AS3MT: variants seen among roughly 807,000 people sequenced by gnomAD.
AS3MT encodes S-adenosyl-L-methionine:arsenic(III) methyltransferase.
AS3MT carries 47 observed loss-of-function variants against 45.3 expected under a neutral mutation model. That is an observed-to-expected ratio of 1.04 (90% CI 0.82 to 1.32). The LOEUF (loss-of-function observed/expected upper bound fraction) is 1.32. Among genes scored for constraint, AS3MT ranks in the 40% most tolerant of loss-of-function variants. AS3MT has a pLI of 0.00. For missense variants in AS3MT, 396 were observed against 451.1 expected, an observed-to-expected ratio of 0.88 and a Z score of 1.11; for synonymous variants, 141 against 152.8, an observed-to-expected ratio of 0.92 and a Z score of 0.57.
Position 102,901,747 on chromosome 10 carries a change from G to C in AS3MT, c.*1047G>C, listed in dbSNP as rs1420778839. 3.3e-5 allele frequency: 5 copies of C among 152,168 alleles called. No homozygotes were observed. Among genetic ancestry groups the C allele is most frequent in the Admixed American group, 6.6e-5 (1 of 15,252 alleles). The allele number at this position is 152,168 out of a possible 1,614,324, so 9.4% of individuals were successfully genotyped here. A position where few individuals can be genotyped will look rare whatever the true frequency, so the allele number is the denominator to read the frequency against. On this transcript the variant is annotated 3_prime_UTR_variant, in exon 11 of 11. Coordinates refer to ENST00000369880, the MANE Select transcript of AS3MT (RefSeq NM_020682.4). ...ACCTTTTGGAATTTTCATCATGTTT[G>C]CTTATTAAACAAAGCTCCTACTGCC...
chr10:102,883,707 T>C (rs113548449), intron 9 of AS3MT, among the ~76,000 whole-genome samples: 37,496 of 151,206 alleles, frequency 0.25, 4,769 homozygotes, highest in Middle Eastern at 0.31. Flanking sequence ...GAGCAAGACT[T>C]CATCTCAAAA....
intron 9 of AS3MT, among the ~76,000 whole-genome samples, chr10:102,884,106 G>A (rs1844910490): frequency 6.6e-6 from 1 of 151,126 alleles, no homozygotes; most frequent in African/African-American, 2.4e-5. Context: ...AGCCTTCCAA[G>A]TAGCTGGGAC....
chr10:102,890,071 G>A (rs1413039824), intron 9 of AS3MT, among the ~76,000 whole-genome samples: 1 of 150,422 alleles, frequency 6.6e-6, no homozygotes, highest in African/African-American at 2.4e-5. Context: ...CACGATCTCG[G>A]CTCACTGCAA....
At chr10:102,884,017 C>T (rs1342155906) in intron 9 of AS3MT, among the ~76,000 whole-genome samples, 4 of 135,184 alleles carry the variant, frequency 3.0e-5, no homozygotes, top group Admixed American at 8.2e-5. Flanking sequence ...CTTGCTCTGT[C>T]GCCCAGGCTG....
chr10:102,896,174 A>T (rs369001967), intron 10 of AS3MT, among the ~76,000 whole-genome samples: 101 of 151,978 alleles, frequency 6.6e-4, no homozygotes, highest in African/African-American at 2.1e-3. Flanking sequence ...TGTACTAAAA[A>T]TACAAAAATT....
At chr10:102,871,281 T>G (rs950060614) in intron 3 of AS3MT, among the ~76,000 whole-genome samples, 1 of 149,838 alleles carries the variant, frequency 6.7e-6, no homozygotes, top group Non-Finnish European at 1.5e-5. Flanking sequence ...GGGTGGTGGC[T>G]TATGTCTGTA....
rs1844940787 is a variant in AS3MT at position 102,885,688 on chromosome 10, C to T, written c.886-4856C>T. ...GGGACTACAGGCGCCCGCCACTACGCCCGGCTAATTTTTTGTATTTTTAGT... is the reference window on the plus strand; with the variant it reads ...GGGACTACAGGCGCCCGCCACTACGTCCGGCTAATTTTTTGTATTTTTAGT... On this transcript the variant is annotated intron_variant, in intron 9 of 10. Transcript: ENST00000369880. Among the ~76,000 whole-genome samples the T allele has an allele frequency of 1.9e-5, 2 of 105,278 alleles. 1 individual carries two copies. The highest frequency in any genetic ancestry group is 4.1e-5 in the Non-Finnish European group (2 of 49,120). 69.1% of individuals were successfully genotyped at this position (105,278 alleles called of 152,430 possible).
chr10:102,872,307 A>C, intron 3 of AS3MT, 141 bp from the exon 4 acceptor site: 1 of 861,298 alleles, frequency 1.2e-6, no homozygotes, highest in Non-Finnish European at 1.8e-6. Flanking sequence ...ACTAAACATC[A>C]GAAGTATGAG....
chr10:102,896,590 G>A (rs1158718302), intron 10 of AS3MT, among the ~76,000 whole-genome samples: 1 of 151,790 alleles, frequency 6.6e-6, no homozygotes, highest in African/African-American at 2.4e-5. Flanking sequence ...GGTGGATCAC[G>A]AGGTCAGGAG....
At chr10:102,883,256 G>A (rs532378488) in intron 9 of AS3MT, among the ~76,000 whole-genome samples, 36 of 150,606 alleles carry the variant, frequency 2.4e-4, no homozygotes, top group African/African-American at 7.5e-4. Flanking sequence ...GGGTGCCAAC[G>A]CACCTGGCTA....
At chr10:102,870,242 C>A (rs1385190607) in intron 3 of AS3MT, 31 bp downstream of exon 3, 3 of 1,612,296 alleles carry the variant, frequency 1.9e-6, no homozygotes, top group Admixed American at 1.7e-5. Flanking sequence ...CCCAGGAAGA[C>A]CCCAAACAGC....
intron 6 of AS3MT, 50 bp downstream of exon 6, chr10:102,874,711 T>G: frequency 1.5e-6 from 2 of 1,345,334 alleles, no homozygotes; most frequent in East Asian, 2.4e-5. Flanking sequence ...TAAGAGCTGA[T>G]GGGTTAAGTC....
intron 10 of AS3MT, among the ~76,000 whole-genome samples, chr10:102,899,261 G>T (rs7909591): frequency 0.3 from 45,472 of 151,980 alleles, 7,059 homozygotes; most frequent in East Asian, 0.47. Flanking sequence ...AGAGTGCTGG[G>T]ATTACTCCCA....
At chr10:102,871,546 CAAAAAAAAAAAAAA>C (rs748797211) in intron 3 of AS3MT, among the ~76,000 whole-genome samples, 3 of 23,284 alleles carry the variant, frequency 1.3e-4, no homozygotes, top group South Asian at 3.0e-3. Context: ...GACTCCGTCT[CAAAAAAAAAAAAAA>C]AAAAAAAAAA....
intron 9 of AS3MT, among the ~76,000 whole-genome samples, chr10:102,884,522 T>G (rs1844917567): frequency 6.6e-6 from 1 of 151,634 alleles, no homozygotes. Context: ...TTTCAGTGCC[T>G]GCAGATATGA....
chr10:102,900,837 A>G lies in AS3MT; in HGVS notation c.*137A>G. ...AGTGGCTCATGCCTATAATCCCAGCACTTTGGGAGGCCGAGGCAGGCAGAT... is the reference window on the plus strand; with the variant it reads ...AGTGGCTCATGCCTATAATCCCAGCGCTTTGGGAGGCCGAGGCAGGCAGAT... On this transcript the variant is annotated 3_prime_UTR_variant, in exon 11 of 11. Coordinates refer to ENST00000369880, the MANE Select transcript of AS3MT (RefSeq NM_020682.4). 1 of 633,768 alleles carries G rather than the reference A, an allele frequency of 1.6e-6. No individual in the cohort carries two copies. Among genetic ancestry groups the G allele is most frequent in the East Asian group, 2.9e-5 (1 of 34,024 alleles). 39.3% of individuals were successfully genotyped at this position (633,768 alleles called of 1,614,324 possible). A position where few individuals can be genotyped will look rare whatever the true frequency, so the allele number is the denominator to read the frequency against.
chr10:102,882,144 T>G (rs1431886396), intron 9 of AS3MT, among the ~76,000 whole-genome samples: 1 of 152,074 alleles, frequency 6.6e-6, no homozygotes, highest in Non-Finnish European at 1.5e-5. Context: ...TTTCACCGTG[T>G]TAGCCAGGAT....
chr10:102,882,492 C>T (rs1454288036), intron 9 of AS3MT, among the ~76,000 whole-genome samples: 1 of 151,974 alleles, frequency 6.6e-6, no homozygotes, highest in Non-Finnish European at 1.5e-5. Flanking sequence ...TAAGCATAGC[C>T]CACTATAGTC....
rs1436651930 is a variant in AS3MT, at chr10:102,873,662, C to T, written c.458+429C>T. On this transcript the variant is annotated intron_variant, in intron 5 of 10. Coordinates refer to ENST00000369880, the MANE Select transcript of AS3MT (RefSeq NM_020682.4). ...CTCTCATTTAGGGTGTTAAACTAAACTTAGCATGGCTTACTAATGGGAGAG... is the reference window on the plus strand; with the variant it reads ...CTCTCATTTAGGGTGTTAAACTAAATTTAGCATGGCTTACTAATGGGAGAG... Among the ~76,000 whole-genome samples, 36 of 152,102 alleles carry T rather than the reference C, an allele frequency of 2.4e-4. 1 individual carries two copies. The highest frequency in any genetic ancestry group is 2.4e-3 in the Admixed American group (36 of 15,264).
Sources: allele counts gnomAD v4.1 joint callset (sites outside exome capture counted in the v4.1 genomes callset), GRCh38; gene constraint gnomAD v4.1.1; transcripts MANE v1.5; gene names NCBI Gene and HGNC (gene_info 2026-07-23, HGNC 2026-07-21).